ARHGAP15: variants seen among roughly 807,000 people sequenced by gnomAD.
The protein encoded by ARHGAP15 is Rho GTPase activating protein 15.
A neutral mutation model predicts 63.7 loss-of-function variants in ARHGAP15; 51 were observed. That is an observed-to-expected ratio of 0.80 (90% CI 0.64 to 1.01). The LOEUF (loss-of-function observed/expected upper bound fraction) is 1.01. ARHGAP15 is among the 50% of genes least tolerant of loss of function. The probability of loss-of-function intolerance (pLI) is 0.00; values close to 1 mark genes in which losing one functional copy is unlikely to be tolerated. For missense variants in ARHGAP15, 560 were observed against 564.6 expected, an observed-to-expected ratio of 0.99 and a Z score of 0.08; for synonymous variants, 191 against 193.8, an observed-to-expected ratio of 0.99 and a Z score of 0.12.
chr2:143,341,878 G>A (rs1200231587), intron 6 of ARHGAP15, among the ~76,000 whole-genome samples: 1 of 152,032 alleles, frequency 6.6e-6, no homozygotes, highest in Admixed American at 6.6e-5. Flanking sequence ...TTAACTCTCA[G>A]CAATTCTGCT....
chr2:143,431,531 C>A (rs1036980586), intron 6 of ARHGAP15, among the ~76,000 whole-genome samples: 1 of 151,972 alleles, frequency 6.6e-6, no homozygotes, highest in African/African-American at 2.4e-5. Flanking sequence ...TAAAGAATAA[C>A]GTATCATGAC....
intron 1 of ARHGAP15, among the ~76,000 whole-genome samples, chr2:143,144,951 G>A (rs1460148724): frequency 6.6e-6 from 1 of 152,026 alleles, no homozygotes; most frequent in Non-Finnish European, 1.5e-5. Context: ...ACAAAAGGGT[G>A]CAGCTGAATC....
At chr2:143,254,793 T>C (rs899868966) in intron 6 of ARHGAP15, among the ~76,000 whole-genome samples, 1 of 152,074 alleles carries the variant, frequency 6.6e-6, no homozygotes, top group African/African-American at 2.4e-5. Context: ...ACTGAACACT[T>C]TTTAGCTGAA....
At chr2:143,154,254 G>A (rs1026376997) in intron 1 of ARHGAP15, among the ~76,000 whole-genome samples, 2 of 151,726 alleles carry the variant, frequency 1.3e-5, no homozygotes, top group Non-Finnish European at 2.9e-5. Context: ...CTAAGTATTA[G>A]CTTCTTTTCT....
chr2:143,764,694 C>T (rs1363735976), intron 13 of ARHGAP15, among the ~76,000 whole-genome samples: 1 of 152,184 alleles, frequency 6.6e-6, no homozygotes, highest in African/African-American at 2.4e-5. Context: ...GCTCTTTCAT[C>T]TCCCTTGATT....
chr2:143,407,615 G>C (rs998178666), intron 6 of ARHGAP15, among the ~76,000 whole-genome samples: 4 of 151,696 alleles, frequency 2.6e-5, no homozygotes, highest in Non-Finnish European at 5.9e-5. Flanking sequence ...TGACAGGAGA[G>C]TAGGACTAAT....
intron 6 of ARHGAP15, among the ~76,000 whole-genome samples, chr2:143,409,501 G>A (rs1371410462): frequency 6.6e-6 from 1 of 151,904 alleles, no homozygotes; most frequent in Non-Finnish European, 1.5e-5. Context: ...AACGTTACAT[G>A]ATTTAAGATC....
chr2:143,606,072 C>CAAAAAAAAAAAA (rs1698015321), intron 11 of ARHGAP15, among the ~76,000 whole-genome samples: 1 of 8,796 alleles, frequency 1.1e-4, no homozygotes, highest in East Asian at 3.6e-3. Context: ...AAAAAAAAAG[C>CAAAAAAAAAAAA]CATACATCTG....
At chr2:143,300,469 C>CT (rs1162755727) in intron 6 of ARHGAP15, among the ~76,000 whole-genome samples, 2 of 151,990 alleles carry the variant, frequency 1.3e-5, no homozygotes. Context: ...GTATCCCTAA[C>CT]TAATACAACA....
rs147341579 is a variant in ARHGAP15 at position 143,281,191 on chromosome 2, A to G, written c.474+30591A>G. On this transcript the variant is annotated intron_variant, in intron 6 of 13. Transcript: ENST00000295095. ...GGGCGATCTATTTATAGATGGCTTC[A>G]TGTTGACTACTCTGCTACACATGTA... 2.0e-4 allele frequency among the ~76,000 whole-genome samples: 30 copies of G among 152,278 alleles called. 1 individual carries two copies. The highest frequency in any genetic ancestry group is 1.9e-3 in the South Asian group (9 of 4,826).
intron 6 of ARHGAP15, among the ~76,000 whole-genome samples, chr2:143,364,678 G>A (rs1686218286): frequency 6.6e-6 from 1 of 152,134 alleles, no homozygotes; most frequent in South Asian, 2.1e-4. Context: ...GTTGCAGATA[G>A]GGGAAGAAAG....
intron 10 of ARHGAP15, among the ~76,000 whole-genome samples, chr2:143,535,231 G>A (rs936501232): frequency 2.0e-5 from 3 of 152,052 alleles, no homozygotes; most frequent in African/African-American, 7.2e-5. Context: ...TTCATTTGAA[G>A]CCAACATGTT....
At chr2:143,763,911 A>C (rs1686862844) in intron 13 of ARHGAP15, among the ~76,000 whole-genome samples, 1 of 150,996 alleles carries the variant, frequency 6.6e-6, no homozygotes, top group Non-Finnish European at 1.5e-5. Context: ...AATGACTCTT[A>C]ATTTTTTTTA....
At chr2:143,501,840 G>A (rs1249314537) in intron 9 of ARHGAP15, among the ~76,000 whole-genome samples, 2 of 152,162 alleles carry the variant, frequency 1.3e-5, no homozygotes, top group South Asian at 2.1e-4. Flanking sequence ...TTCCAAATGT[G>A]ACTACACAGT....
intron 11 of ARHGAP15, among the ~76,000 whole-genome samples, chr2:143,592,768 A>G (rs1697371101): frequency 6.6e-6 from 1 of 152,192 alleles, no homozygotes; most frequent in Non-Finnish European, 1.5e-5. Flanking sequence ...TAGAAATGTG[A>G]GTGTCATTTG....
chr2:143,310,399 T>C (rs775052554), intron 6 of ARHGAP15, among the ~76,000 whole-genome samples: 8 of 152,026 alleles, frequency 5.3e-5, no homozygotes, highest in African/African-American at 1.9e-4. Flanking sequence ...TACAGAATCA[T>C]GTTTTTGCTT....
In ARHGAP15 at chr2:143,384,973, A is replaced by G. The variant is rs538166607; in HGVS notation, c.475-50628A>G. On this transcript the variant is annotated intron_variant, in intron 6 of 13. Transcript: ENST00000295095. The stretch of plus-strand genomic sequence containing the variant: ...CCTTTATAGAAAGATACTTTGTTTC[A>G]TTCTACAAAAGCCCATACTGTCAAG... 3.3e-5 allele frequency among the ~76,000 whole-genome samples: 5 copies of G among 152,292 alleles called. No homozygotes were observed. The East Asian group carries it at 9.6e-4, about 29-fold the overall frequency.
At position 143,594,858 on chromosome 2, in the gene ARHGAP15, A is replaced by C. The variant is rs1275506220; in HGVS notation, c.1004-29275A>C. On this transcript the variant is annotated intron_variant, in intron 11 of 13. Transcript: ENST00000295095. The stretch of plus-strand genomic sequence containing the variant: ...TGAACAATCAGAAAGGCCTTACACA[A>C]ATATGCTTAAATAATGTTAAGGTTA... 2.0e-5 allele frequency among the ~76,000 whole-genome samples: 3 copies of C among 152,162 alleles called. No homozygotes were observed. The East Asian group carries it at 5.8e-4, about 29-fold the overall frequency.
At chr2:143,246,907 C>G (rs752557965) in intron 5 of ARHGAP15, among the ~76,000 whole-genome samples, 3 of 152,094 alleles carry the variant, frequency 2.0e-5, no homozygotes, top group African/African-American at 7.2e-5. Context: ...GTGCAAGAGA[C>G]GGGCAAGGTC....
Sources: allele counts gnomAD v4.1 joint callset (sites outside exome capture counted in the v4.1 genomes callset), GRCh38; gene constraint gnomAD v4.1.1; transcripts MANE v1.5; gene names NCBI Gene and HGNC (gene_info 2026-07-23, HGNC 2026-07-21).